The following PACRGL variants were observed in gnomAD, a reference collection of about 807,000 sequenced individuals.
The protein encoded by PACRGL is PACRG-like protein.
In PACRGL, 38 loss-of-function variants were observed where a neutral mutation model predicts 34.5. That is an observed-to-expected ratio of 1.10 (90% CI 0.85 to 1.44). The LOEUF (loss-of-function observed/expected upper bound fraction) is 1.44. PACRGL is among the 40% of genes most tolerant of loss of function. The pLI is 0.00. For missense variants in PACRGL, 305 were observed against 281.4 expected (o/e 1.08, Z -0.60); for synonymous variants, 128 against 100.1 (o/e 1.28, Z -1.66).
chr4:20,702,613 T>C (rs1278540361), intron 1 of PACRGL: 1 of 152,358 alleles, frequency 6.6e-6, no homozygotes, highest in Non-Finnish European at 1.4e-5. Context: ...TGCCCAATTA[T>C]AGAGTTGAGG....
At chr4:20,710,368 A>G (rs559832529) in intron 5 of PACRGL, among the ~76,000 whole-genome samples, 6 of 152,306 alleles carry the variant, frequency 3.9e-5, no homozygotes, top group Non-Finnish European at 8.8e-5. Context: ...CAAGTGAATC[A>G]TTGCTATCTT....
intron 7 of PACRGL, among the ~76,000 whole-genome samples, chr4:20,716,922 A>G (rs974904283): frequency 6.6e-6 from 1 of 152,232 alleles, no homozygotes; most frequent in East Asian, 1.9e-4. Context: ...GTCTTACACA[A>G]TGGTTGAACT....
chr4:20,745,529 C>A (rs1007069695), intron 8 of PACRGL, among the ~76,000 whole-genome samples: 7 of 152,148 alleles, frequency 4.6e-5, no homozygotes. Flanking sequence ...ACAAACTTAA[C>A]AACAACTCTC....
At chr4:20,709,145 A>G (rs1213108185) in intron 4 of PACRGL, among the ~76,000 whole-genome samples, 1 of 152,114 alleles carries the variant, frequency 6.6e-6, no homozygotes, top group East Asian at 1.9e-4. Flanking sequence ...GTCTCAAAAA[A>G]AAGCAGTTAA....
rs181460281 is a variant in PACRGL, at chr4:20,744,564, A to C, written c.*57-8001A>C. On this transcript the variant is annotated intron_variant, in intron 8 of 8. Coordinates refer to the PACRGL transcript ENST00000507634. ...TTCTCACTCATAGGTGGGAATTGAA[A>C]AATGAGAACACTTGGACATAGGATG... Among the ~76,000 whole-genome samples the C allele has an allele frequency of 2.3e-3, 356 of 152,128 alleles. 8 individuals are homozygous for C. The South Asian group carries it at 0.047, about 20-fold the overall frequency.
upstream of PACRGL, chr4:20,696,475 A>G (rs1731249914): frequency 6.6e-6 from 1 of 152,234 alleles, no homozygotes; most frequent in Non-Finnish European, 1.5e-5. Flanking sequence ...ACACTCCTCC[A>G]AGCCTCATCC....
At chr4:20,759,137 AAC>A in the PACRGL span, among the ~76,000 whole-genome samples, 2 of 152,240 alleles carry the variant, frequency 1.3e-5, no homozygotes, top group Non-Finnish European at 2.9e-5. Flanking sequence ...TGTATTCAGA[AAC>A]ACAGTGCTGC....
chr4:20,752,341 G>T (rs1179709929), intron 8 of PACRGL, among the ~76,000 whole-genome samples: 2 of 152,066 alleles, frequency 1.3e-5, no homozygotes. Context: ...TTACAGGTGT[G>T]AGCCACCATG....
At chr4:20,732,654 C>T (rs964718987), downstream of PACRGL, 11 of 1,434,570 alleles carry the variant, frequency 7.7e-6, no homozygotes, top group South Asian at 1.1e-5. Flanking sequence ...AACTTCATGC[C>T]CTCTTGACTT....
downstream of PACRGL, among the ~76,000 whole-genome samples, chr4:20,737,221 G>C (rs528891808): frequency 2.0e-5 from 3 of 152,170 alleles, no homozygotes; most frequent in Admixed American, 2.0e-4. Context: ...AGCTGGCAAA[G>C]CATCTTGAAA....
At chr4:20,721,347 G>C (rs1743067622) in intron 7 of PACRGL, among the ~76,000 whole-genome samples, 1 of 152,164 alleles carries the variant, frequency 6.6e-6, no homozygotes, top group African/African-American at 2.4e-5. Context: ...TCTCCGTCCA[G>C]CTTAGTTCCG....
Position 20,730,758 on chromosome 4 carries a change from A to ATTCTT in PACRGL, c.*3419_*3423dup, listed in dbSNP as rs1747900324. ...TCAGTGGCTGTGTTCAGTTTAGCAT[A>ATTCTT]TTCTTTAGAAATGAGTTAGGGGACA... On this transcript the variant is annotated 3_prime_UTR_variant, in exon 9 of 9. Coordinates refer to ENST00000503585, the MANE Select transcript of PACRGL (RefSeq NM_001258345.3). 1.3e-5 allele frequency among the ~76,000 whole-genome samples: 2 copies of ATTCTT among 152,298 alleles called. No homozygotes were observed. The highest frequency in any genetic ancestry group is 2.4e-5 in the African/African-American group (1 of 41,564).
intron 1 of PACRGL, chr4:20,702,166 G>A (rs1262810757): frequency 6.6e-6 from 3 of 456,500 alleles, no homozygotes; most frequent in African/African-American, 2.0e-5. Flanking sequence ...ACTTTTTGAC[G>A]TGAAGGAAGA....
Position 20,730,157 on chromosome 4 carries a change from A to C in PACRGL, c.*2816A>C. 6 of 1,589,852 alleles carry C rather than the reference A, an allele frequency of 3.8e-6. No individual in the cohort carries two copies. The highest frequency in any genetic ancestry group is 5.1e-6 in the Non-Finnish European group (6 of 1,169,410). On this transcript the variant is annotated 3_prime_UTR_variant, in exon 9 of 9. Transcript: ENST00000503585. ...GTAAGGGAGAAACACAGAGCGATTA[A>C]ATTCAGCATATCTGCAAGGAAAAGT... is the stretch of plus-strand genomic sequence containing the variant.
chr4:20,700,458 A>C lies in PACRGL; in HGVS notation c.-346A>C, dbSNP rs1234831837. ...TCAGGGGCGGGCCGCGCGGAGCCTCATTTCCCCAAACGCAGGCGCTCGGTG... is the reference window on the plus strand; with the variant it reads ...TCAGGGGCGGGCCGCGCGGAGCCTCCTTTCCCCAAACGCAGGCGCTCGGTG... On this transcript the variant is annotated 5_prime_UTR_variant, in exon 1 of 9. Transcript: ENST00000503585. 1.3e-5 allele frequency: 2 copies of C among 151,848 alleles called. No individual in the cohort carries two copies. Among genetic ancestry groups the C allele is most frequent in the South Asian group, 2.1e-4 (1 of 4,800 alleles). 9.4% of individuals were successfully genotyped at this position (151,848 alleles called of 1,614,324 possible).
At chr4:20,724,914 C>CTTTT (rs10654905) in intron 8 of PACRGL, 26 bp downstream of exon 8, 7 of 1,222,936 alleles carry the variant, frequency 5.7e-6, no homozygotes, top group South Asian at 3.9e-5. Flanking sequence ...TTCCTTAAGT[C>CTTTT]TTTTTTTTTA....
chr4:20,766,368 C>T, the PACRGL span, among the ~76,000 whole-genome samples: 1 of 152,074 alleles, frequency 6.6e-6, no homozygotes, highest in Non-Finnish European at 1.5e-5. Context: ...CAGTTCGAGA[C>T]CAGCTTGGAC....
chr4:20,751,083 TA>T (rs1321284602), intron 8 of PACRGL, among the ~76,000 whole-genome samples: 1 of 152,210 alleles, frequency 6.6e-6, no homozygotes, highest in Non-Finnish European at 1.5e-5. Flanking sequence ...TAATTAACAC[TA>T]CTGAAGGCTA....
chr4:20,758,769 A>C, the PACRGL span: 1 of 1,404,184 alleles, frequency 7.1e-7, no homozygotes. Flanking sequence ...TCAACACTGC[A>C]AGCATAATTG....
Sources: gnomAD v4.1 joint callset for allele counts (sites outside exome capture counted in the v4.1 genomes callset) on GRCh38, gnomAD v4.1.1 for gene constraint, MANE v1.5 for transcripts, NCBI Gene and HGNC (gene_info 2026-07-23, HGNC 2026-07-21) for gene names.